Variants in TXLNB observed in about 807,000 individuals in gnomAD.
TXLNB encodes beta-taxilin.
Under a neutral mutation model 57.4 loss-of-function variants are expected in TXLNB, and 37 were observed. The ratio of observed to expected loss-of-function variants is 0.64; its 90% confidence interval spans 0.50 to 0.85. The LOEUF (loss-of-function observed/expected upper bound fraction) is 0.85. Ranked by LOEUF, TXLNB falls within the 40% of genes least tolerant of loss-of-function variation. The pLI is 0.00. For synonymous variants in TXLNB, 302 were observed against 309.6 expected (o/e 0.98, Z 0.26); for missense variants, 848 against 825.6 (o/e 1.03, Z -0.33).
the TXLNB span, among the ~76,000 whole-genome samples, chr6:139,226,737 C>G: frequency 6.6e-6 from 1 of 152,120 alleles, no homozygotes. Flanking sequence ...CCAATTAAAA[C>G]TACAATGAGG....
Position 139,243,124 on chromosome 6 carries a change from T to C in TXLNB, c.1457A>G (p.Gln486Arg), listed in dbSNP as rs761943651. 9 of 1,614,084 alleles carry C rather than the reference T, an allele frequency of 5.6e-6. No individual in the cohort carries two copies. The highest frequency in any genetic ancestry group is 7.6e-6 in the Non-Finnish European group (9 of 1,180,040). Residue 486 changes from glutamine to arginine, a missense_variant, in exon 10 of 10, where the codon CAA (glutamine) becomes CGA (arginine). Coordinates refer to ENST00000358430, the MANE Select transcript of TXLNB (RefSeq NM_153235.4). ...ATTAACCTCCTCTGCGTCAATCTCT[T>C]GATCCACAGAGACGTTTGACTCTGG... ...EEPESNVSVD[Q>R]EIDAEEVNSV...
intron 4 of TXLNB, among the ~76,000 whole-genome samples, chr6:139,265,426 ATGTGTGTGTGTGTGTGTGTCTGTG>A (rs894783263): frequency 6.7e-6 from 1 of 150,066 alleles, no homozygotes; most frequent in Non-Finnish European, 1.5e-5. Flanking sequence ...GTGAGGTTGT[ATGTGTGTGTGTGTGTGTGTCTGTG>A]TGTGTGTGTG....
At chr6:139,305,461 T>C in the TXLNB span, among the ~76,000 whole-genome samples, 1 of 152,210 alleles carries the variant, frequency 6.6e-6, no homozygotes, top group Admixed American at 6.5e-5. Flanking sequence ...GTATTTGTAT[T>C]AAGAACTGCT....
the TXLNB span, among the ~76,000 whole-genome samples, chr6:139,181,845 A>G: frequency 6.6e-6 from 1 of 152,256 alleles, no homozygotes; most frequent in Non-Finnish European, 1.5e-5. Flanking sequence ...TGCTGTGTGC[A>G]GACTTCTAAC....
chr6:139,174,356 A>G, the TXLNB span: 1 of 1,591,018 alleles, frequency 6.3e-7, no homozygotes. Context: ...CATGATGGCC[A>G]CTCAGAGCCT....
At chr6:139,183,044 C>T in the TXLNB span, 1 of 152,088 alleles carries the variant, frequency 6.6e-6, no homozygotes, top group Non-Finnish European at 1.5e-5. Flanking sequence ...AAGTCATAGC[C>T]AAAACAGTCA....
In TXLNB at chr6:139,288,390, T is replaced by C. The variant is rs983644548; in HGVS notation, c.424+86A>G. 4.1e-5 allele frequency: 52 copies of C among 1,269,464 alleles called. 1 individual carries two copies. The highest frequency in any genetic ancestry group is 5.7e-5 in the Non-Finnish European group (51 of 901,236). The allele number at this position is 1,269,464 out of a possible 1,614,324, so 78.6% of individuals were successfully genotyped here. Reference sequence around the variant, plus strand: ...CTACTACAGTCATCCAAATATTGGATGTGGCTTTTAGTGAAGTTTGGAAGA... The same window carrying C: ...CTACTACAGTCATCCAAATATTGGACGTGGCTTTTAGTGAAGTTTGGAAGA... On this transcript the variant is annotated intron_variant, in intron 2 of 9. Transcript: ENST00000358430.
intron 1 of TXLNB, 95 bp from the exon 2 acceptor site, chr6:139,289,008 C>A: frequency 1.1e-6 from 1 of 875,620 alleles, no homozygotes; most frequent in Non-Finnish European, 1.7e-6. Context: ...AAGTGAATAC[C>A]AACTAATTAT....
At chr6:139,311,018 T>C in the TXLNB span, among the ~76,000 whole-genome samples, 8 of 152,216 alleles carry the variant, frequency 5.3e-5, no homozygotes, top group South Asian at 1.4e-3. Context: ...TACCACACAA[T>C]TGCTATTGTG....
In TXLNB at chr6:139,242,540, C is replaced by G. The variant is rs185018902; in HGVS notation, c.2041G>C (p.Glu681Gln). 9.6e-5 allele frequency: 144 copies of G among 1,502,882 alleles called. 1 individual carries two copies. In the East Asian group the frequency reaches 2.9e-3, roughly 30 times the overall value. 93.1% of individuals were successfully genotyped at this position (1,502,882 alleles called of 1,614,324 possible). ...CACGGTGAGGCTTAGTCGACGCCTT[C>G]CAGATTGGTGTCAGCCACGTTGCGC... is the stretch of plus-strand genomic sequence containing the variant. ...QPRNVADTNLEGVD is the reference protein window; with the variant it reads ...QPRNVADTNLQGVD Residue 681 changes from glutamate to glutamine, a missense_variant, in exon 10 of 10, where the codon GAA becomes CAA. Physicochemically the swap from Glu to Gln is conservative, Grantham distance 29. Coordinates refer to ENST00000358430, the MANE Select transcript of TXLNB (RefSeq NM_153235.4).
the TXLNB span, among the ~76,000 whole-genome samples, chr6:139,172,279 T>A: frequency 1.4e-3 from 213 of 152,324 alleles, 7 homozygotes; most frequent in South Asian, 0.042. Context: ...ATGTGTTTTT[T>A]AAAGCATTTT....
chr6:139,166,017 G>T, the TXLNB span: 6 of 353,192 alleles, frequency 1.7e-5, no homozygotes, highest in Non-Finnish European at 3.0e-5. Flanking sequence ...CTATGTTCCA[G>T]CGGCTTTCTG....
rs1439369016 is a variant in TXLNB at position 139,240,086 on chromosome 6, T to C, written c.*2440A>G. ...TTTGGGAAGAGAAGTACCTTTTTAA[T>C]AGATATATAAATTATAGTTATTTAA... On this transcript the variant is annotated 3_prime_UTR_variant, in exon 10 of 10. Transcript: ENST00000358430. 1.3e-5 allele frequency: 2 copies of C among 152,210 alleles called. No individual in the cohort carries two copies. Among genetic ancestry groups the C allele is most frequent in the Admixed American group, 6.5e-5 (1 of 15,298 alleles). 9.4% of individuals were successfully genotyped at this position (152,210 alleles called of 1,614,324 possible). A position where few individuals can be genotyped will look rare whatever the true frequency, so the allele number is the denominator to read the frequency against.
At chr6:139,238,265 G>T (rs1167383956), downstream of TXLNB, among the ~76,000 whole-genome samples, 2 of 152,016 alleles carry the variant, frequency 1.3e-5, no homozygotes, top group Admixed American at 6.6e-5. Context: ...ATGGTGGCAG[G>T]TGCCTGTAAT....
the TXLNB span, chr6:139,179,215 G>A: frequency 6.6e-6 from 1 of 152,182 alleles, no homozygotes; most frequent in Admixed American, 6.5e-5. Context: ...AAAGTGCTAA[G>A]TTTCTCTTGT....
At chr6:139,248,819 A>G (rs1395885202) in intron 7 of TXLNB, among the ~76,000 whole-genome samples, 2 of 152,214 alleles carry the variant, frequency 1.3e-5, no homozygotes, top group Non-Finnish European at 2.9e-5. Context: ...AAAAATAGAC[A>G]AATGAAAAGA....
the TXLNB span, among the ~76,000 whole-genome samples, chr6:139,299,800 G>A: frequency 9.9e-5 from 15 of 151,796 alleles, no homozygotes; most frequent in Admixed American, 9.8e-4. Flanking sequence ...ACCCTGATCT[G>A]TCCTTAGGTA....
chr6:139,286,704 T>G (rs1376194798), intron 2 of TXLNB: 1 of 152,408 alleles, frequency 6.6e-6, no homozygotes, highest in African/African-American at 2.4e-5. Flanking sequence ...GAGCTCCACC[T>G]CCTGTCAGGT....
chr6:139,235,599 G>A (rs1021931898), downstream of TXLNB, among the ~76,000 whole-genome samples: 1 of 152,096 alleles, frequency 6.6e-6, no homozygotes, highest in Non-Finnish European at 1.5e-5. Context: ...TGGATCACAG[G>A]GGTGGTTTCC....
Sources: gnomAD v4.1 joint callset for allele counts (sites outside exome capture counted in the v4.1 genomes callset) on GRCh38, gnomAD v4.1.1 for gene constraint, MANE v1.5 for transcripts, NCBI Gene and HGNC (gene_info 2026-07-23, HGNC 2026-07-21) for gene names.